The following OTUD7A variants were observed in gnomAD, a reference collection of about 807,000 sequenced individuals.
OTUD7A encodes the protein OTU deubiquitinase 7A.
Under a neutral mutation model 65.7 loss-of-function variants are expected in OTUD7A, and 12 were observed. The observed-to-expected ratio is 0.18, with a 90% CI of 0.12 to 0.30. The LOEUF (loss-of-function observed/expected upper bound fraction) is 0.30, where lower values mean the gene tolerates loss of function less well. Ranked by LOEUF, OTUD7A falls within the 10% of genes least tolerant of loss-of-function variation. The pLI is 1.00. For synonymous variants in OTUD7A, 641 were observed against 586.3 expected, an observed-to-expected ratio of 1.09 and a Z score of -1.35; for missense variants, 1,148 against 1,304.8, an observed-to-expected ratio of 0.88 and a Z score of 1.85.
At chr15:31,607,458 C>A (rs1890269645) in intron 3 of OTUD7A, among the ~76,000 whole-genome samples, 1 of 152,068 alleles carries the variant, frequency 6.6e-6, no homozygotes, top group Admixed American at 6.5e-5. Context: ...ATGTCCTCAC[C>A]CCAGTTGCCT....
intron 3 of OTUD7A, among the ~76,000 whole-genome samples, chr15:31,595,053 C>G (rs1299804263): frequency 1.3e-5 from 2 of 152,218 alleles, no homozygotes; most frequent in African/African-American, 4.8e-5. Context: ...GACTTCAGGA[C>G]AGACATCTGA....
intron 1 of OTUD7A, among the ~76,000 whole-genome samples, chr15:31,776,723 A>G (rs549124107): frequency 6.6e-6 from 1 of 152,300 alleles, no homozygotes; most frequent in African/African-American, 2.4e-5. Flanking sequence ...CAGGGTCTGA[A>G]GGAACCGGGG....
At chr15:31,502,232 A>G (rs528010680) in intron 9 of OTUD7A, among the ~76,000 whole-genome samples, 1 of 152,274 alleles carries the variant, frequency 6.6e-6, no homozygotes, top group South Asian at 2.1e-4. Context: ...TGTTTTGAGA[A>G]CCTCTTCTAT....
intron 3 of OTUD7A, among the ~76,000 whole-genome samples, chr15:31,626,885 T>G (rs1438055283): frequency 2.4e-5 from 2 of 84,490 alleles, no homozygotes; most frequent in South Asian, 2.9e-4. Context: ...CTATATTTGT[T>G]TTTTTTTTGT....
chr15:31,808,860 A>G (rs893800597), intron 1 of OTUD7A, among the ~76,000 whole-genome samples: 6 of 152,230 alleles, frequency 3.9e-5, no homozygotes, highest in African/African-American at 9.6e-5. Flanking sequence ...AAGGAGTCCA[A>G]CTTCAGGCTG....
At chr15:31,654,644 A>G (rs1434225981) in intron 3 of OTUD7A, among the ~76,000 whole-genome samples, 1 of 152,220 alleles carries the variant, frequency 6.6e-6, no homozygotes, top group Non-Finnish European at 1.5e-5. Context: ...ATTTTAGTTC[A>G]CTATGGTTAT....
At chr15:31,522,655 A>G (rs17816043) in intron 8 of OTUD7A, among the ~76,000 whole-genome samples, 27,744 of 152,104 alleles carry the variant, frequency 0.18, 3,020 homozygotes, top group East Asian at 0.37. Context: ...TGGGCTCAGT[A>G]GATGACACTG....
intron 1 of OTUD7A, among the ~76,000 whole-genome samples, chr15:31,853,370 A>T (rs1158386114): frequency 6.6e-6 from 1 of 152,234 alleles, no homozygotes; most frequent in Non-Finnish European, 1.5e-5. Flanking sequence ...AAGGAAAGGG[A>T]GAGAGAAAAC....
chr15:31,642,722 TC>T, intron 3 of OTUD7A, among the ~76,000 whole-genome samples: 1 of 152,182 alleles, frequency 6.6e-6, no homozygotes, highest in South Asian at 2.1e-4. Flanking sequence ...ATCTTGAGAA[TC>T]TGTACTGAGG....
chr15:31,763,372 A>T (rs1465150089), intron 1 of OTUD7A, among the ~76,000 whole-genome samples: 1 of 152,230 alleles, frequency 6.6e-6, no homozygotes, highest in Non-Finnish European at 1.5e-5. Context: ...AATTTTAGAG[A>T]TGAAAAATAC....
chr15:31,703,373 C>A (rs527274930), intron 1 of OTUD7A, among the ~76,000 whole-genome samples: 22 of 151,988 alleles, frequency 1.4e-4, no homozygotes, highest in Non-Finnish European at 2.5e-4. Context: ...ATAAAGAATT[C>A]TCAAAACTCA....
chr15:31,494,302 C>T lies in OTUD7A; in HGVS notation c.1172-6736G>A, dbSNP rs74325941. Among the ~76,000 whole-genome samples, 263 of 152,254 alleles carry T rather than the reference C, an allele frequency of 1.7e-3. 1 individual carries two copies. Among genetic ancestry groups the T allele is most frequent in the Non-Finnish European group, 2.9e-3 (196 of 68,022 alleles). ...ATTAGTGCCTTTATAACAACAGGCA[C>T]GAGAGCGCTCTTCTTTCTCTCTCTT... On this transcript the variant is annotated intron_variant, in intron 10 of 12. Transcript: ENST00000307050.
intron 1 of OTUD7A, among the ~76,000 whole-genome samples, chr15:31,684,923 C>G (rs555673085): frequency 6.7e-6 from 1 of 148,946 alleles, no homozygotes; most frequent in East Asian, 2.0e-4. Flanking sequence ...CTTGCAGTAT[C>G]TACACCGGAG....
intron 10 of OTUD7A, among the ~76,000 whole-genome samples, chr15:31,493,087 T>G (rs1312092770): frequency 6.6e-6 from 1 of 151,290 alleles, no homozygotes; most frequent in East Asian, 1.9e-4. Flanking sequence ...GTGCCTGTAA[T>G]CCTAGCTACT....
intron 3 of OTUD7A, among the ~76,000 whole-genome samples, chr15:31,578,403 C>A (rs1889270034): frequency 6.6e-6 from 1 of 152,198 alleles, no homozygotes; most frequent in Admixed American, 6.5e-5. Context: ...CATAATAAAA[C>A]TTTGGTCTCA....
intron 10 of OTUD7A, among the ~76,000 whole-genome samples, chr15:31,490,811 T>G (rs1343293853): frequency 6.6e-6 from 1 of 152,208 alleles, no homozygotes; most frequent in African/African-American, 2.4e-5. Context: ...GATATTTCCA[T>G]CCTACCTCTA....
intron 1 of OTUD7A, among the ~76,000 whole-genome samples, chr15:31,852,179 T>C (rs897344133): frequency 1.3e-5 from 2 of 152,128 alleles, no homozygotes; most frequent in East Asian, 1.9e-4. Flanking sequence ...TAACGCAAGG[T>C]AGACTTTTTG....
chr15:31,507,630 T>C (rs1163104748), intron 8 of OTUD7A, among the ~76,000 whole-genome samples: 1 of 64,978 alleles, frequency 1.5e-5, no homozygotes, highest in African/African-American at 9.6e-5. Context: ...CTGCCGCTGC[T>C]GGCTGGGGGG....
intron 4 of OTUD7A, among the ~76,000 whole-genome samples, chr15:31,562,092 C>T (rs1272152760): frequency 6.6e-5 from 10 of 152,084 alleles, no homozygotes; most frequent in Non-Finnish European, 8.8e-5. Context: ...TTGGGCTCAG[C>T]GAGGATTACA....
Sources: allele counts gnomAD v4.1 joint callset (sites outside exome capture counted in the v4.1 genomes callset), GRCh38; gene constraint gnomAD v4.1.1; transcripts MANE v1.5; gene names NCBI Gene and HGNC (gene_info 2026-07-23, HGNC 2026-07-21).